The following MST1R variants were observed in gnomAD, a reference collection of about 807,000 sequenced individuals.
MST1R encodes the protein macrophage stimulating 1 receptor.
In MST1R, 99 loss-of-function variants were observed where a neutral mutation model predicts 117.8. The observed-to-expected ratio is 0.84, with a 90% confidence interval of 0.71 to 0.99. The LOEUF (loss-of-function observed/expected upper bound fraction) is 0.99. MST1R is among the 50% of genes least tolerant of loss of function. The pLI, the probability that MST1R is intolerant of heterozygous loss-of-function variation, is 0.00. For synonymous variants in MST1R, 734 were observed against 765.3 expected (o/e 0.96, Z 0.68); for missense variants, 1,683 against 1,840.2 (o/e 0.91, Z 1.56).
chr3:49,901,317 A>G (rs1022092003), intron 1 of MST1R, among the ~76,000 whole-genome samples: 1 of 152,236 alleles, frequency 6.6e-6, no homozygotes, highest in Non-Finnish European at 1.5e-5. Flanking sequence ...CCAGGGCCAC[A>G]GGATGATAGC....
rs1350185310 is a variant in MST1R, at chr3:49,895,955, G to C, written c.2796+6C>G. 6.4e-7 allele frequency: 1 copy of C among 1,566,932 alleles called. No individual in the cohort carries two copies. Among genetic ancestry groups the C allele is most frequent in the Admixed American group, 1.8e-5 (1 of 55,962 alleles). The stretch of plus-strand genomic sequence containing the variant: ...TTTCCCAGGGAGGTCCAGCTGGGCT[G>C]CCTACCTGCAATGGGGCACCATCCT... On this transcript the variant is annotated splice_donor_region_variant and intron_variant, in intron 11 of 19. Coordinates refer to ENST00000296474, the MANE Select transcript of MST1R (RefSeq NM_002447.4).
chr3:49,895,316 G>C lies in MST1R; in HGVS notation c.3122C>G (p.Ser1041Cys). Residue 1041 changes from serine to cysteine, a missense_variant, in exon 14 of 20, where the codon TCC becomes TGC. Ser to Cys is a moderately radical substitution (Grantham distance 112). Coordinates refer to ENST00000296474, the MANE Select transcript of MST1R (RefSeq NM_002447.4). ...CACACAGGATTCATCTTCACTATCG[G>C]AGAAGGATGCTCCATGGACACAAGT... ...STTCVHGASF[S>C]DSEDESCVPL... 6.2e-7 allele frequency: 1 copy of C among 1,614,226 alleles called. No individual in the cohort carries two copies. Among genetic ancestry groups the C allele is most frequent in the Non-Finnish European group, 8.5e-7 (1 of 1,180,052 alleles).
Position 49,898,930 on chromosome 3 carries a change from C to T in MST1R, c.1485G>A (p.Gly495=), listed in dbSNP as rs991853516. The change falls in exon 3 of 20, where the codon GGG becomes GGA. Residue 495 remains glycine (G), a synonymous_variant. Coordinates refer to ENST00000296474, the MANE Select transcript of MST1R (RefSeq NM_002447.4). The stretch of plus-strand genomic sequence containing the variant: ...GACTGACATCCCGCTGCACGGGCTG[C>T]CCACTGTCACCCAGTGAGAAGTTGG... ...YVSNFSLGDS[G]QPVQRDVSRL... is the part of the protein sequence containing the mutation. The T allele has an allele frequency of 1.2e-6, 2 of 1,614,194 alleles. No homozygotes were observed. Among genetic ancestry groups the T allele is most frequent in the African/African-American group, 2.7e-5 (2 of 75,070 alleles).
At chr3:49,891,107 T>C in intron 17 of MST1R, 90 bp downstream of exon 17, 2 of 1,131,092 alleles carry the variant, frequency 1.8e-6, no homozygotes, top group Non-Finnish European at 2.6e-6. Context: ...AGGACAAGGC[T>C]GGAGTGGGCC....
At position 49,899,108 on chromosome 3, in the gene MST1R, T is replaced by G; in HGVS notation, c.1386A>C (p.Ala462=). 6.2e-7 allele frequency: 1 copy of G among 1,614,132 alleles called. No homozygotes were observed. Among genetic ancestry groups the G allele is most frequent in the Non-Finnish European group, 8.5e-7 (1 of 1,180,036 alleles). ...TACGCCCATCCATTGTGCCCATGTG[T>G]GCCACTGTGACGTTGTCAAGGCGTG... The part of the protein sequence containing the change: ...YVTRLDNVTV[A]HMGTMDGRIL... The change falls in exon 2 of 20, where the codon GCA becomes GCC. Residue 462 remains alanine, a synonymous_variant. Transcript: ENST00000296474.
At chr3:49,889,765 G>A (rs2082259523) in intron 19 of MST1R, among the ~76,000 whole-genome samples, 159 bp downstream of exon 19, 1 of 152,088 alleles carries the variant, frequency 6.6e-6, no homozygotes, top group Non-Finnish European at 1.5e-5. Context: ...CTGCATGAGG[G>A]TGGGACCAGT....
In MST1R at chr3:49,893,771, C is replaced by T. The variant is rs1427290572; in HGVS notation, c.3271+1396G>A. Among the ~76,000 whole-genome samples the T allele has an allele frequency of 4.0e-5, 6 of 150,474 alleles. No individual in the cohort carries two copies. The Admixed American group carries it at 4.0e-4, about 10-fold the overall frequency. On this transcript the variant is annotated intron_variant, in intron 14 of 19. Coordinates refer to ENST00000296474, the MANE Select transcript of MST1R (RefSeq NM_002447.4). ...AAAATTAGCCGGGCACGGTGGCAGG[C>T]GCCTGTAGTCCCAGCTACTTGGGAG...
In MST1R at chr3:49,902,836, G is replaced by C. The variant is rs147876136; in HGVS notation, c.774C>G (p.Phe258Leu). Residue 258 changes from phenylalanine (F) to leucine (L), a missense_variant, in exon 1 of 20, where the codon TTC (phenylalanine) becomes TTG (leucine). Coordinates refer to ENST00000296474, the MANE Select transcript of MST1R (RefSeq NM_002447.4). Reference sequence around the variant, plus strand: ...CCGGCTGTACAGTCAGGAAGTATACGAAGGCTCCCGTGTGGAAGCTGTGCA... The same window carrying C: ...CCGGCTGTACAGTCAGGAAGTATACCAAGGCTCCCGTGTGGAAGCTGTGCA... ...EYVHSFHTGA[F>L]VYFLTVQPAS... 15 of 1,613,580 alleles carry C rather than the reference G, an allele frequency of 9.3e-6. No individual in the cohort carries two copies. Among genetic ancestry groups the C allele is most frequent in the African/African-American group, 5.3e-5 (4 of 74,946 alleles).
chr3:49,898,514 ATACC>A lies in MST1R; in HGVS notation c.1719_1719+3del. 1 of 1,613,216 alleles carries A rather than the reference ATACC, an allele frequency of 6.2e-7. No individual in the cohort carries two copies. The highest frequency in any genetic ancestry group is 8.5e-7 in the Non-Finnish European group (1 of 1,179,740). Reference sequence around the variant, plus strand: ...TTACCTGTGCCCTGCCAGGGAAGCCATACCTCAGTAAGCTTAGGTGGGCAGTGGT... The same window carrying A: ...TTACCTGTGCCCTGCCAGGGAAGCCATCAGTAAGCTTAGGTGGGCAGTGGT... On this transcript the variant is annotated splice_donor_variant and splice_donor_region_variant and coding_sequence_variant and intron_variant, in exon 4 of 20. Coordinates refer to ENST00000296474, the MANE Select transcript of MST1R (RefSeq NM_002447.4). LOFTEE classifies it high-confidence loss of function.
In MST1R at chr3:49,903,091, G is replaced by A. The variant is rs2108509718; in HGVS notation, c.519C>T (p.Asp173=). 1.9e-6 allele frequency: 3 copies of A among 1,606,966 alleles called. No homozygotes were observed. The highest frequency in any genetic ancestry group is 1.1e-5 in the South Asian group (1 of 91,092). The change falls in exon 1 of 20, where the codon GAC becomes GAT. Residue 173 remains aspartate (D), a synonymous_variant. Transcript: ENST00000296474. ...LFSAHHNRPD[D]CPDCVASPLG... is the part of the protein sequence containing the mutation. Reference sequence around the variant, plus strand: ...ATGGGCTGGCCACACAGTCGGGGCAGTCATCGGGCCGGTTATGGTGGGCTG... The same window carrying A: ...ATGGGCTGGCCACACAGTCGGGGCAATCATCGGGCCGGTTATGGTGGGCTG...
intron 15 of MST1R, 51 bp downstream of exon 15, chr3:49,891,707 C>T (rs2082320800): frequency 6.2e-7 from 1 of 1,610,400 alleles, no homozygotes. Context: ...AAAAAGAATC[C>T]TCCCAGCCTG....
At chr3:49,888,033 C>G (rs2082212606) in intron 19 of MST1R, among the ~76,000 whole-genome samples, 1 of 152,220 alleles carries the variant, frequency 6.6e-6, no homozygotes, top group African/African-American at 2.4e-5. Flanking sequence ...GTGGCTCATG[C>G]CTGTAATCCC....
chr3:49,893,681 T>C (rs1290081708), intron 14 of MST1R, among the ~76,000 whole-genome samples: 1 of 141,970 alleles, frequency 7.0e-6, no homozygotes, highest in Non-Finnish European at 1.5e-5. Context: ...GGGTGGATCA[T>C]GAGGTCAGGA....
rs1162227008 is a variant in MST1R at position 49,902,574 on chromosome 3, G to T, written c.1036C>A (p.Leu346Ile). ...TTGCCAGTCACAAAGACCCCAAATA[G>T]TACTTCCTGGCCCTCGGCGATGCTC... ...ELSIAEGQEV[L>I]FGVFVTGKDG... The change falls in exon 1 of 20, where the codon CTA (leucine) becomes ATA (isoleucine). Residue 346 changes from leucine (L) to isoleucine (I), a missense_variant. Leu to Ile is a conservative substitution (Grantham distance 5, BLOSUM62 2). Coordinates refer to ENST00000296474, the MANE Select transcript of MST1R (RefSeq NM_002447.4). The T allele has an allele frequency of 6.2e-7, 1 of 1,613,772 alleles. No individual in the cohort carries two copies. The highest frequency in any genetic ancestry group is 1.3e-5 in the African/African-American group (1 of 74,952).
Position 49,902,420 on chromosome 3 carries a change from C to A in MST1R, c.1190G>T (p.Gly397Val). ...ACTGGGCGACTGGAAGAAGTCGAGG[C>A]CTCGCCGGAGGCCTGGATGGACTGG... ...ESPVHPGLRR[G>V]LDFFQSPSFC... The change falls in exon 1 of 20, where the codon GGC becomes GTC. Residue 397 changes from glycine to valine, a missense_variant. Physicochemically the swap from Gly to Val is moderately radical, Grantham distance 109. Transcript: ENST00000296474. The A allele has an allele frequency of 1.2e-6, 2 of 1,614,104 alleles. No homozygotes were observed. The highest frequency in any genetic ancestry group is 1.7e-6 in the Non-Finnish European group (2 of 1,180,028).
At position 49,902,383 on chromosome 3, in the gene MST1R, G is replaced by A. The variant is rs368403569; in HGVS notation, c.1227C>T (p.Asn409=). Residue 409 remains asparagine, a synonymous_variant, in exon 1 of 20, where the codon AAC becomes AAT. Coordinates refer to ENST00000296474, the MANE Select transcript of MST1R (RefSeq NM_002447.4). ...AGGGCCCCTTCTTTCAGCTTACCGGGTTGGGGCAAAAACTGGGCGACTGGA... is the reference window on the plus strand; with the variant it reads ...AGGGCCCCTTCTTTCAGCTTACCGGATTGGGGCAAAAACTGGGCGACTGGA... ...DFFQSPSFCP[N]PPGLEALSPN... is the part of the protein sequence containing the mutation. 6.2e-7 allele frequency: 1 copy of A among 1,613,056 alleles called. No individual in the cohort carries two copies. Among genetic ancestry groups the A allele is most frequent in the Non-Finnish European group, 8.5e-7 (1 of 1,179,606 alleles).
At chr3:49,889,829 A>G (rs2082261566) in intron 19 of MST1R, 95 bp downstream of exon 19, 1 of 1,478,188 alleles carries the variant, frequency 6.8e-7, no homozygotes, top group Admixed American at 2.0e-5. Flanking sequence ...GTCAACCAGA[A>G]GTTCAGTCAG....
Position 49,897,365 on chromosome 3 carries a change from T to A in MST1R, c.2098A>T (p.Thr700Ser), listed in dbSNP as rs755063677. 1 of 1,613,888 alleles carries A rather than the reference T, an allele frequency of 6.2e-7. No individual in the cohort carries two copies. The highest frequency in any genetic ancestry group is 1.1e-5 in the South Asian group (1 of 91,060). ...QPLFGPRAGGTCLTLEGQSLS... is the reference protein window; with the variant it reads ...QPLFGPRAGGSCLTLEGQSLS... ...CTCTGGCCTTCAAGAGTGAGACAGG[T>A]GCCTCCTGCCCGTGGGCCAAAGAGG... The change falls in exon 7 of 20, where the codon ACC becomes TCC. Residue 700 changes from threonine to serine, a missense_variant. By Grantham distance (58) the Thr-to-Ser change is moderately conservative. Coordinates refer to ENST00000296474, the MANE Select transcript of MST1R (RefSeq NM_002447.4).
intron 18 of MST1R, 74 bp from the exon 19 acceptor site, chr3:49,890,134 C>A (rs2082271164): frequency 6.6e-7 from 1 of 1,517,712 alleles, no homozygotes; most frequent in Admixed American, 2.2e-5. Flanking sequence ...AGGGCTTCTA[C>A]CTCCCAGAGT....
Sources: gnomAD v4.1 joint callset for allele counts (sites outside exome capture counted in the v4.1 genomes callset) on GRCh38, gnomAD v4.1.1 for gene constraint, MANE v1.5 for transcripts, NCBI Gene and HGNC (gene_info 2026-07-23, HGNC 2026-07-21) for gene names.